STX7: variants seen among roughly 807,000 people sequenced by gnomAD.
STX7 encodes syntaxin-7.
STX7 carries 34 observed loss-of-function variants against 39.6 expected under a neutral mutation model. The ratio of observed to expected loss-of-function variants is 0.86; its 90% confidence interval spans 0.65 to 1.14. The LOEUF is 1.14. Ranked by LOEUF, STX7 falls within the 50% of genes most tolerant of loss-of-function variation. The pLI is 0.00. For missense variants in STX7, 284 were observed against 310.4 expected (o/e 0.92, Z 0.64); for synonymous variants, 119 against 99.1 (o/e 1.20, Z -1.19).
At chr6:132,479,174 T>C (rs1774952329) in intron 2 of STX7, among the ~76,000 whole-genome samples, 1 of 152,186 alleles carries the variant, frequency 6.6e-6, no homozygotes, top group Non-Finnish European at 1.5e-5. Context: ...CAAGTACAAA[T>C]GAGAAACAGA....
intron 2 of STX7, among the ~76,000 whole-genome samples, chr6:132,482,064 G>T (rs1456105186): frequency 6.6e-6 from 1 of 152,054 alleles, no homozygotes; most frequent in Non-Finnish European, 1.5e-5. Flanking sequence ...TCATATTGTT[G>T]ACCCTCAATG....
rs1259246371 is a variant in STX7 at position 132,450,597 on chromosome 6, G to A, written c.*10161C>T. ...GGGTCAACCAACATTTTCGGTAAAG[G>A]GCCAGAAATTTTAAAATTGAAAAAT... On this transcript the variant is annotated 3_prime_UTR_variant, in exon 10 of 10. Coordinates refer to ENST00000367941, the MANE Select transcript of STX7 (RefSeq NM_003569.3). 1 of 151,816 alleles carries A rather than the reference G, an allele frequency of 6.6e-6. No homozygotes were observed. The highest frequency in any genetic ancestry group is 1.5e-5 in the Non-Finnish European group (1 of 67,994). The allele number at this position is 151,816 out of a possible 1,614,324, so 9.4% of individuals were successfully genotyped here.
At position 132,503,545 on chromosome 6, in the gene STX7, T is replaced by A; in HGVS notation, c.-15A>T. ...GTGTAAGACATGGTTGATGTTCTTA[T>A]TCGCTAATTTCATCAGATGCTGTGC... On this transcript the variant is annotated 5_prime_UTR_variant, in exon 2 of 10. Transcript: ENST00000367941. 6.2e-7 allele frequency: 1 copy of A among 1,607,346 alleles called. No homozygotes were observed.
chr6:132,504,725 CA>C (rs1775655289), intron 1 of STX7, among the ~76,000 whole-genome samples: 1 of 151,926 alleles, frequency 6.6e-6, no homozygotes, highest in Non-Finnish European at 1.5e-5. Context: ...TAATGCAAAC[CA>C]ACAAAAAACC....
chr6:132,502,967 CG>C (rs1414563162), intron 2 of STX7, among the ~76,000 whole-genome samples: 1 of 152,032 alleles, frequency 6.6e-6, no homozygotes, highest in Non-Finnish European at 1.5e-5. Context: ...TAGATTAAAA[CG>C]TCCTCTCCTT....
intron 2 of STX7, among the ~76,000 whole-genome samples, chr6:132,482,412 G>A (rs1441744455): frequency 6.6e-6 from 1 of 151,970 alleles, no homozygotes; most frequent in African/African-American, 2.4e-5. Flanking sequence ...ATCAAATTTG[G>A]AAAAAATATT....
chr6:132,456,518 T>C lies in STX7; in HGVS notation c.*4240A>G, dbSNP rs1774247811. 1 of 152,160 alleles carries C rather than the reference T, an allele frequency of 6.6e-6. No homozygotes were observed. The highest frequency in any genetic ancestry group is 2.4e-5 in the African/African-American group (1 of 41,440). The allele number at this position is 152,160 out of a possible 1,614,324, so 9.4% of individuals were successfully genotyped here. Reference sequence around the variant, plus strand: ...CCCCAAATAAGTGCCAAATTAAGTATTTATTAAGCAACTACTACGGGAGGG... The same window carrying C: ...CCCCAAATAAGTGCCAAATTAAGTACTTATTAAGCAACTACTACGGGAGGG... On this transcript the variant is annotated 3_prime_UTR_variant, in exon 10 of 10. Coordinates refer to ENST00000367941, the MANE Select transcript of STX7 (RefSeq NM_003569.3).
chr6:132,491,950 C>T (rs756839797), intron 2 of STX7, among the ~76,000 whole-genome samples: 7 of 151,972 alleles, frequency 4.6e-5, no homozygotes, highest in Non-Finnish European at 1.0e-4. Context: ...TATCTTAAGC[C>T]CCTCTCTCCC....
chr6:132,473,249 G>C (rs1774779585), intron 3 of STX7, among the ~76,000 whole-genome samples: 1 of 152,138 alleles, frequency 6.6e-6, no homozygotes, highest in African/African-American at 2.4e-5. Context: ...GCATTTCCTT[G>C]TAAAGGGAAA....
intron 8 of STX7, among the ~76,000 whole-genome samples, chr6:132,468,172 T>C (rs1352054478): frequency 2.6e-5 from 4 of 152,156 alleles, no homozygotes; most frequent in African/African-American, 7.2e-5. Context: ...CTGATTAAAT[T>C]TGGGCTTCTG....
At position 132,449,550 on chromosome 6, in the gene STX7, A is replaced by C. The variant is rs2114314863; in HGVS notation, c.*11208T>G. 2 of 152,174 alleles carry C rather than the reference A, an allele frequency of 1.3e-5. No homozygotes were observed. Among genetic ancestry groups the C allele is most frequent in the South Asian group, 4.2e-4 (2 of 4,818 alleles). The allele number at this position is 152,174 out of a possible 1,614,324, so 9.4% of individuals were successfully genotyped here. A position where few individuals can be genotyped will look rare whatever the true frequency, so the allele number is the denominator to read the frequency against. On this transcript the variant is annotated 3_prime_UTR_variant, in exon 10 of 10. Transcript: ENST00000367941. ...TCCCATTCTATCCTTCAGGTCTCAT[A>C]ATCTCTAATTCTTATTTTCTATCCC... is the stretch of plus-strand genomic sequence containing the variant.
chr6:132,494,139 A>G (rs1463016847), intron 2 of STX7, among the ~76,000 whole-genome samples: 1 of 152,210 alleles, frequency 6.6e-6, no homozygotes, highest in Non-Finnish European at 1.5e-5. Context: ...GTTTTTAAAC[A>G]TATACACTTA....
chr6:132,468,528 A>G, intron 7 of STX7, 53 bp from the exon 8 acceptor site: 1 of 1,454,196 alleles, frequency 6.9e-7, no homozygotes, highest in Non-Finnish European at 9.4e-7. Flanking sequence ...CCCATTCCAT[A>G]AAAGAGGAAA....
chr6:132,457,918 A>G lies in STX7; in HGVS notation c.*2840T>C, dbSNP rs753664783. The G allele has an allele frequency of 3.3e-5, 5 of 152,158 alleles. No individual in the cohort carries two copies. Among genetic ancestry groups the G allele is most frequent in the Non-Finnish European group, 5.9e-5 (4 of 68,008 alleles). 9.4% of individuals were successfully genotyped at this position (152,158 alleles called of 1,614,324 possible). A position where few individuals can be genotyped will look rare whatever the true frequency, so the allele number is the denominator to read the frequency against. The stretch of plus-strand genomic sequence containing the variant: ...AGCTATTAAGGTGGACAATGACTTT[A>G]TTTTCTTTACGTAAGTTTTATATTT... On this transcript the variant is annotated 3_prime_UTR_variant, in exon 10 of 10. Coordinates refer to ENST00000367941, the MANE Select transcript of STX7 (RefSeq NM_003569.3).
chr6:132,487,316 T>C (rs796889923), intron 2 of STX7, among the ~76,000 whole-genome samples: 6 of 152,330 alleles, frequency 3.9e-5, no homozygotes, highest in African/African-American at 1.4e-4. Flanking sequence ...AATGAGTTCA[T>C]GTCCTTTGCA....
rs1022194693 is a variant in STX7, at chr6:132,450,226, A to T, written c.*10532T>A. On this transcript the variant is annotated 3_prime_UTR_variant, in exon 10 of 10. Coordinates refer to ENST00000367941, the MANE Select transcript of STX7 (RefSeq NM_003569.3). ...ATCCAAGAACTAACTGTATTTTAGC[A>T]GGAGGATCCTTGAGTATACCTAGTC... is the stretch of plus-strand genomic sequence containing the variant. 6.6e-6 allele frequency: 1 copy of T among 152,228 alleles called. No individual in the cohort carries two copies. Among genetic ancestry groups the T allele is most frequent in the African/African-American group, 2.4e-5 (1 of 41,464 alleles). 9.4% of individuals were successfully genotyped at this position (152,228 alleles called of 1,614,324 possible). A position where few individuals can be genotyped will look rare whatever the true frequency, so the allele number is the denominator to read the frequency against.
Position 132,461,473 on chromosome 6 carries a change from AT to A in STX7, c.694-624del, listed in dbSNP as rs746033591. Among the ~76,000 whole-genome samples the A allele has an allele frequency of 1.5e-3, 217 of 148,116 alleles. 1 individual carries two copies. The highest frequency in any genetic ancestry group is 4.8e-3 in the African/African-American group (195 of 40,488). ...AGGCGCGTGCCACCACACCCAGCTAATTTTTTTTTTGTATTTTTAGTAGAGA... is the reference window on the plus strand; with the variant it reads ...AGGCGCGTGCCACCACACCCAGCTAATTTTTTTTTGTATTTTTAGTAGAGA... On this transcript the variant is annotated intron_variant, in intron 9 of 9. Coordinates refer to ENST00000367941, the MANE Select transcript of STX7 (RefSeq NM_003569.3).
chr6:132,460,695 G>A lies in STX7; in HGVS notation c.*63C>T. On this transcript the variant is annotated 3_prime_UTR_variant, in exon 10 of 10. Coordinates refer to ENST00000367941, the MANE Select transcript of STX7 (RefSeq NM_003569.3). Reference sequence around the variant, plus strand: ...TTTAAAATAATAATTAAAAAAACATGATTACAGGAATCTTCCTACATAATT... The same window carrying A: ...TTTAAAATAATAATTAAAAAAACATAATTACAGGAATCTTCCTACATAATT... 1 of 1,227,068 alleles carries A rather than the reference G, an allele frequency of 8.1e-7. No individual in the cohort carries two copies. Among genetic ancestry groups the A allele is most frequent in the Non-Finnish European group, 1.2e-6 (1 of 859,008 alleles). The allele number at this position is 1,227,068 out of a possible 1,614,324, so 76.0% of individuals were successfully genotyped here.
At chr6:132,499,721 C>G (rs961117311) in intron 2 of STX7, among the ~76,000 whole-genome samples, 1 of 152,096 alleles carries the variant, frequency 6.6e-6, no homozygotes. Flanking sequence ...CTTCTCTTTC[C>G]TCACTCTTAC....
Sources: gnomAD v4.1 joint callset for allele counts (sites outside exome capture counted in the v4.1 genomes callset) on GRCh38, gnomAD v4.1.1 for gene constraint, MANE v1.5 for transcripts, NCBI Gene and HGNC (gene_info 2026-07-23, HGNC 2026-07-21) for gene names.